The following EML6 variants were observed in gnomAD, a reference collection of about 807,000 sequenced individuals.
EML6 encodes the protein echinoderm microtubule-associated protein-like 6.
EML6 carries 154 observed loss-of-function variants against 240.1 expected under a neutral mutation model. That is an observed-to-expected ratio of 0.64 (90% CI 0.56 to 0.73). EML6 has a LOEUF of 0.73. Ranked by LOEUF, EML6 falls within the 30% of genes least tolerant of loss-of-function variation. The probability of loss-of-function intolerance (pLI) is 0.00; values close to 1 mark genes in which losing one functional copy is unlikely to be tolerated. For synonymous variants in EML6, 1,148 were observed against 899.0 expected (o/e 1.28, Z -4.95); for missense variants, 2,964 against 2,474.6 (o/e 1.20, Z -4.20).
At chr2:54,950,895 C>T (rs879113842) in intron 30 of EML6, 116 bp downstream of exon 30, 2 of 1,100,214 alleles carry the variant, frequency 1.8e-6, no homozygotes, top group Non-Finnish European at 2.6e-6. Context: ...GCCATTCCCC[C>T]CAATTCCAGC....
intron 7 of EML6, among the ~76,000 whole-genome samples, chr2:54,841,080 C>T (rs1316871043): frequency 7.9e-6 from 1 of 127,150 alleles, no homozygotes; most frequent in African/African-American, 3.2e-5. Context: ...AAAGGGTAGG[C>T]AAAGAGATCA....
chr2:54,839,341 T>C (rs1477383133), intron 7 of EML6, among the ~76,000 whole-genome samples: 2 of 152,214 alleles, frequency 1.3e-5, no homozygotes, highest in Non-Finnish European at 2.9e-5. Context: ...ATGTCTTCCT[T>C]TTTAAAATGG....
At chr2:54,856,647 G>A (rs1190422898) in intron 11 of EML6, among the ~76,000 whole-genome samples, 2 of 152,192 alleles carry the variant, frequency 1.3e-5, no homozygotes, top group Non-Finnish European at 2.9e-5. Flanking sequence ...GGCCAGTGTG[G>A]CTAGAACTTA....
rs1185158369 is a variant in EML6, at chr2:54,970,356, A to C, written c.*261A>C. 1 of 475,564 alleles carries C rather than the reference A, an allele frequency of 2.1e-6. No individual in the cohort carries two copies. The highest frequency in any genetic ancestry group is 3.8e-6 in the Non-Finnish European group (1 of 263,750). 29.5% of individuals were successfully genotyped at this position (475,564 alleles called of 1,614,324 possible). ...GTTCCTGAGACTAAACAGTATACAT[A>C]CTAACTACATTGACAAAGAAATCCT... On this transcript the variant is annotated 3_prime_UTR_variant, in exon 42 of 42. Transcript: ENST00000356458.
intron 2 of EML6, among the ~76,000 whole-genome samples, chr2:54,802,449 A>G (rs1236397530): frequency 6.6e-6 from 1 of 152,056 alleles, no homozygotes; most frequent in African/African-American, 2.4e-5. Context: ...AACATGGTCA[A>G]ACCCCATCTC....
chr2:54,822,939 A>T (rs1314058501), intron 5 of EML6, among the ~76,000 whole-genome samples: 1 of 152,208 alleles, frequency 6.6e-6, no homozygotes, highest in African/African-American at 2.4e-5. Context: ...ATAATCCTGT[A>T]CCAAGCCCTG....
intron 26 of EML6, among the ~76,000 whole-genome samples, chr2:54,925,638 C>T (rs1013145816): frequency 3.9e-5 from 6 of 152,170 alleles, no homozygotes; most frequent in Non-Finnish European, 5.9e-5. Context: ...TTAAAGCCTT[C>T]CCAATTAGAT....
In EML6 at chr2:54,809,217, A is replaced by G. The variant is rs544346277; in HGVS notation, c.198-4015A>G. 3.3e-5 allele frequency among the ~76,000 whole-genome samples: 5 copies of G among 152,350 alleles called. 1 individual carries two copies. The East Asian group carries it at 9.6e-4, about 29-fold the overall frequency. On this transcript the variant is annotated intron_variant, in intron 2 of 41. Transcript: ENST00000356458. ...AGTTGCAAGTCTTCTTAGAAAAGCA[A>G]AGAATTAAATATATGGACTCTCAAT...
intron 17 of EML6, chr2:54,882,877 A>AAAAAAAAAAAAAAAAAAAAAAAAAAAAAC (rs1238823372): frequency 6.8e-6 from 1 of 146,474 alleles, no homozygotes; most frequent in Non-Finnish European, 1.5e-5. Context: ...AAAAAAAAGA[A>AAAAAAAAAAAAAAAAAAAAAAAAAAAAAC]AGCTTAGGGA....
chr2:54,849,762 A>G (rs1332345999), intron 9 of EML6, among the ~76,000 whole-genome samples, 200 bp from the exon 10 acceptor site: 2 of 152,262 alleles, frequency 1.3e-5, no homozygotes, highest in Non-Finnish European at 2.9e-5. Flanking sequence ...TGCTGGGATT[A>G]CAGGCGTAAG....
chr2:54,777,086 G>A (rs182631570), intron 2 of EML6, among the ~76,000 whole-genome samples: 1 of 152,290 alleles, frequency 6.6e-6, no homozygotes, highest in East Asian at 1.9e-4. Context: ...CTGCAGCTTT[G>A]CTGTCCACAT....
chr2:54,853,957 A>G (rs1365634152), intron 11 of EML6, 102 bp downstream of exon 11: 1 of 613,518 alleles, frequency 1.6e-6, no homozygotes, highest in Non-Finnish European at 2.6e-6. Context: ...TGCACTGTTT[A>G]TTTTATCTTG....
chr2:54,955,090 C>T (rs757586634), intron 32 of EML6, among the ~76,000 whole-genome samples: 6 of 152,204 alleles, frequency 3.9e-5, no homozygotes, highest in Non-Finnish European at 8.8e-5. Context: ...TGTAATGATA[C>T]CATATTCCTT....
At chr2:54,840,900 G>A (rs560945187) in intron 7 of EML6, among the ~76,000 whole-genome samples, 5 of 152,336 alleles carry the variant, frequency 3.3e-5, no homozygotes, top group Non-Finnish European at 7.4e-5. Flanking sequence ...CCTTCCTGAT[G>A]ATGCTGAAGA....
intron 11 of EML6, among the ~76,000 whole-genome samples, chr2:54,857,327 G>T (rs1026488049): frequency 6.6e-6 from 1 of 152,220 alleles, no homozygotes; most frequent in South Asian, 2.1e-4. Flanking sequence ...AGACATGAGG[G>T]CTGAGGCCTG....
chr2:54,958,520 C>T (rs1676341037), intron 33 of EML6, among the ~76,000 whole-genome samples: 1 of 151,946 alleles, frequency 6.6e-6, no homozygotes, highest in Admixed American at 6.6e-5. Context: ...AAATATTAAC[C>T]AGAAAAGGTA....
At chr2:54,906,345 G>T (rs561941209) in intron 24 of EML6, among the ~76,000 whole-genome samples, 3 of 152,318 alleles carry the variant, frequency 2.0e-5, no homozygotes, top group Non-Finnish European at 1.5e-5. Flanking sequence ...GTAAGTCCCA[G>T]ATAGAAAGCA....
chr2:54,903,278 T>C, intron 23 of EML6, 82 bp downstream of exon 23: 10 of 1,523,070 alleles, frequency 6.6e-6, no homozygotes, highest in African/African-American at 5.6e-5. Flanking sequence ...CAAATGTTTC[T>C]TTGACCATTT....
rs745569233 is a variant in EML6, at chr2:54,891,173, A to G, written c.2539+19A>G. ...CAAGCAGGTACTGTCGTTTGGGTTT[A>G]TCATTTATGTGATTGAGAGCTTTAC... On this transcript the variant is annotated intron_variant, in intron 18 of 41. Coordinates refer to ENST00000356458, the MANE Select transcript of EML6 (RefSeq NM_001039753.4). 8.0e-7 allele frequency: 1 copy of G among 1,256,958 alleles called. No homozygotes were observed. The allele number at this position is 1,256,958 out of a possible 1,614,324, so 77.9% of individuals were successfully genotyped here.
Sources: allele counts gnomAD v4.1 joint callset (sites outside exome capture counted in the v4.1 genomes callset), GRCh38; gene constraint gnomAD v4.1.1; transcripts MANE v1.5; gene names NCBI Gene and HGNC (gene_info 2026-07-23, HGNC 2026-07-21).